The following AFAP1L1 variants were observed in gnomAD, a reference collection of about 807,000 sequenced individuals.
AFAP1L1 encodes actin filament-associated protein 1-like 1.
AFAP1L1 carries 77 observed loss-of-function variants against 99.8 expected under a neutral mutation model. The ratio of observed to expected loss-of-function variants is 0.77; its 90% CI spans 0.64 to 0.93. AFAP1L1 has a LOEUF of 0.93. AFAP1L1 is among the 40% of genes least tolerant of loss of function. AFAP1L1 has a pLI of 0.00. For synonymous variants in AFAP1L1, 373 were observed against 395.3 expected (o/e 0.94, Z 0.67); for missense variants, 893 against 996.8 (o/e 0.90, Z 1.40).
chr5:149,327,707 T>C (rs1487645562), intron 15 of AFAP1L1, among the ~76,000 whole-genome samples: 1 of 151,920 alleles, frequency 6.6e-6, no homozygotes, highest in Non-Finnish European at 1.5e-5. Context: ...ATCAGTGAAC[T>C]TGATGACAGA....
chr5:149,316,020 T>TA lies in AFAP1L1; in HGVS notation c.1114+108dup, dbSNP rs533795885. 287 of 1,576,754 alleles carry TA rather than the reference T, an allele frequency of 1.8e-4. 1 individual carries two copies. The East Asian group carries it at 5.7e-3, about 31-fold the overall frequency. ...GTTCTGACCATTCTGTAGACCTGGG[T>TA]AAGGTGACCTGGCCTGCCATCCCTG... On this transcript the variant is annotated intron_variant, in intron 10 of 18. Coordinates refer to ENST00000296721, the MANE Select transcript of AFAP1L1 (RefSeq NM_152406.4).
Position 149,340,845 on chromosome 5 carries a change from T to C in AFAP1L1, c.*815T>C, listed in dbSNP as rs1757542753. 6.6e-6 allele frequency: 1 copy of C among 152,078 alleles called. No individual in the cohort carries two copies. Among genetic ancestry groups the C allele is most frequent in the African/African-American group, 2.4e-5 (1 of 41,448 alleles). The allele number at this position is 152,078 out of a possible 1,614,324, so 9.4% of individuals were successfully genotyped here. A position where few individuals can be genotyped will look rare whatever the true frequency, so the allele number is the denominator to read the frequency against. ...TACCTATGTTCTGACACTGAGGCTC[T>C]TGGAGCTATGGGTTAGAAATCCAGG... is the stretch of plus-strand genomic sequence containing the variant. On this transcript the variant is annotated 3_prime_UTR_variant, in exon 19 of 19. Coordinates refer to ENST00000296721, the MANE Select transcript of AFAP1L1 (RefSeq NM_152406.4).
chr5:149,293,292 A>G (rs779321080), intron 1 of AFAP1L1, among the ~76,000 whole-genome samples: 1 of 152,156 alleles, frequency 6.6e-6, no homozygotes, highest in Admixed American at 6.5e-5. Flanking sequence ...AAGTTTAGAA[A>G]TTTCCCCCAG....
chr5:149,329,976 T>C, intron 16 of AFAP1L1, 146 bp downstream of exon 16: 1 of 610,170 alleles, frequency 1.6e-6, no homozygotes, highest in Non-Finnish European at 2.7e-6. Flanking sequence ...CTCCTCCTCC[T>C]CTTCTTCTCC....
rs1211334560 is a variant in AFAP1L1 at position 149,329,749 on chromosome 5, GAGAA to G, written c.1898_1901del (p.Lys633ArgfsTer7). 2.5e-6 allele frequency: 4 copies of G among 1,614,016 alleles called. No homozygotes were observed. Among genetic ancestry groups the G allele is most frequent in the Non-Finnish European group, 3.4e-6 (4 of 1,180,020 alleles). ...GGTAGAAAAAGAGAAGCTGGAGAAA[GAGAA>G]AGAGACGATTCGGACAGAGCTGATA... On this transcript the variant is annotated frameshift_variant, in exon 16 of 19. Coordinates refer to ENST00000296721, the MANE Select transcript of AFAP1L1 (RefSeq NM_152406.4). LOFTEE classifies it high-confidence loss of function.
intron 14 of AFAP1L1, among the ~76,000 whole-genome samples, chr5:149,321,504 A>G (rs1011309079): frequency 2.6e-5 from 4 of 152,134 alleles, no homozygotes; most frequent in African/African-American, 9.7e-5. Context: ...AGGTGGGTGG[A>G]TCACTTGAGG....
chr5:149,273,363 C>A (rs1328791938), intron 1 of AFAP1L1, among the ~76,000 whole-genome samples: 2 of 151,888 alleles, frequency 1.3e-5, no homozygotes, highest in Non-Finnish European at 2.9e-5. Context: ...GAGCAATTAG[C>A]AGGCACTGGG....
rs1386023360 is a variant in AFAP1L1 at position 149,315,856 on chromosome 5, C to T, written c.1056C>T (p.Asp352=). The part of the protein sequence containing the change: ...LSQEKQTSDS[D]SVGVGDNCST... ...AAGAGAAGCAGACCTCAGATTCTGA[C>T]AGCGTGGGTGTGGGTGACAACTGTT... is the stretch of plus-strand genomic sequence containing the variant. Residue 352 remains aspartate (D), a synonymous_variant, in exon 10 of 19, where the codon GAC becomes GAT. Transcript: ENST00000296721. 3.1e-6 allele frequency: 5 copies of T among 1,614,008 alleles called. No individual in the cohort carries two copies. Among genetic ancestry groups the T allele is most frequent in the Non-Finnish European group, 4.2e-6 (5 of 1,180,016 alleles).
rs144253487 is a variant in AFAP1L1, at chr5:149,336,552, C to T, written c.2283+830C>T. ...GGGAGGCCGAGAAGTCTCAGGTTGA[C>T]GGGCCATATCTGGCAAGGGCCTTCT... is the stretch of plus-strand genomic sequence containing the variant. On this transcript the variant is annotated intron_variant, in intron 18 of 18. Coordinates refer to ENST00000296721, the MANE Select transcript of AFAP1L1 (RefSeq NM_152406.4). 5.9e-5 allele frequency among the ~76,000 whole-genome samples: 9 copies of T among 152,334 alleles called. No homozygotes were observed. In the East Asian group the frequency reaches 9.6e-4, roughly 16 times the overall value.
At chr5:149,339,434 C>A (rs558731541) in intron 18 of AFAP1L1, among the ~76,000 whole-genome samples, 30 of 152,080 alleles carry the variant, frequency 2.0e-4, no homozygotes, top group Non-Finnish European at 1.0e-4. Context: ...CCTCGTGATC[C>A]GCCCACCTCG....
chr5:149,334,803 G>A (rs751472935), intron 17 of AFAP1L1, among the ~76,000 whole-genome samples: 12 of 152,080 alleles, frequency 7.9e-5, no homozygotes, highest in Non-Finnish European at 1.2e-4. Flanking sequence ...CAGCTACTCC[G>A]GAGGCTGAGG....
intron 1 of AFAP1L1, among the ~76,000 whole-genome samples, chr5:149,293,893 CA>C (rs1308731265): frequency 2.0e-5 from 3 of 152,274 alleles, no homozygotes; most frequent in African/African-American, 7.2e-5. Flanking sequence ...CCCATCATTG[CA>C]CAGCTCAGAA....
chr5:149,284,398 G>T (rs563179266), intron 1 of AFAP1L1, among the ~76,000 whole-genome samples: 8 of 152,304 alleles, frequency 5.3e-5, no homozygotes, highest in African/African-American at 1.9e-4. Context: ...AACTGAAAAT[G>T]GAGATAACAG....
At position 149,319,603 on chromosome 5, in the gene AFAP1L1, G is replaced by A; in HGVS notation, c.1501G>A (p.Gly501Ser). The change falls in exon 13 of 19, where the codon GGT (glycine) becomes AGT (serine). Residue 501 changes from glycine (G) to serine (S), a missense_variant. Gly to Ser is a moderately conservative substitution (Grantham distance 56). Coordinates refer to ENST00000296721, the MANE Select transcript of AFAP1L1 (RefSeq NM_152406.4). ...ILEASCSEDM[G>S]RWLGLLLVEM... Reference sequence around the variant, plus strand: ...TCAGGCAAGCTGTTCAGAGGACATGGGTCGCTGGCTCGGGCTGCTGCTGGT... The same window carrying A: ...TCAGGCAAGCTGTTCAGAGGACATGAGTCGCTGGCTCGGGCTGCTGCTGGT... 1 of 1,612,742 alleles carries A rather than the reference G, an allele frequency of 6.2e-7. No individual in the cohort carries two copies.
chr5:149,289,623 A>AGAG (rs1755791014), intron 1 of AFAP1L1, among the ~76,000 whole-genome samples: 1 of 152,210 alleles, frequency 6.6e-6, no homozygotes, highest in Non-Finnish European at 1.5e-5. Flanking sequence ...ACTTGGACTC[A>AGAG]GAGAAGTGCT....
At chr5:149,339,511 G>T (rs1313170148) in intron 18 of AFAP1L1, among the ~76,000 whole-genome samples, 4 of 152,100 alleles carry the variant, frequency 2.6e-5, no homozygotes, top group Non-Finnish European at 5.9e-5. Flanking sequence ...TTATTTACAG[G>T]CACTGAAATT....
chr5:149,305,833 T>TA (rs1756387491), intron 5 of AFAP1L1, among the ~76,000 whole-genome samples: 1 of 151,200 alleles, frequency 6.6e-6, no homozygotes, highest in African/African-American at 2.4e-5. Context: ...AAGCAACTGG[T>TA]ACATTGCTCC....
At chr5:149,295,826 A>G (rs549670938) in intron 1 of AFAP1L1, among the ~76,000 whole-genome samples, 1 of 152,350 alleles carries the variant, frequency 6.6e-6, no homozygotes, top group South Asian at 2.1e-4. Flanking sequence ...ACTTCTGTGT[A>G]GTACTAAGAC....
intron 8 of AFAP1L1, among the ~76,000 whole-genome samples, chr5:149,310,912 C>T (rs1034795050): frequency 1.3e-5 from 2 of 152,196 alleles, no homozygotes; most frequent in Non-Finnish European, 2.9e-5. Context: ...TGACCTTCTG[C>T]AAATGACTTT....
Sources: gnomAD v4.1 joint callset for allele counts (sites outside exome capture counted in the v4.1 genomes callset) on GRCh38, gnomAD v4.1.1 for gene constraint, MANE v1.5 for transcripts, NCBI Gene and HGNC (gene_info 2026-07-23, HGNC 2026-07-21) for gene names.